The following CTNNA2 variants were observed in gnomAD, a reference collection of about 807,000 sequenced individuals.
The protein encoded by CTNNA2 is catenin alpha 2, also known as catenin alpha-2.
CTNNA2 carries 42 observed loss-of-function variants against 101.0 expected under a neutral mutation model. The ratio of observed to expected loss-of-function variants is 0.42; its 90% CI spans 0.32 to 0.54. The LOEUF is 0.54. CTNNA2 is among the 20% of genes least tolerant of loss of function. The pLI, the probability that CTNNA2 is intolerant of heterozygous loss-of-function variation, is 0.14. For missense variants in CTNNA2, 871 were observed against 1,223.1 expected, an observed-to-expected ratio of 0.71 and a Z score of 4.29; for synonymous variants, 450 against 456.4, an observed-to-expected ratio of 0.99 and a Z score of 0.18.
At chr2:80,139,622 C>G (rs1302952529) in intron 7 of CTNNA2, among the ~76,000 whole-genome samples, 2 of 151,916 alleles carry the variant, frequency 1.3e-5, no homozygotes, top group African/African-American at 4.8e-5. Context: ...TATATATTAC[C>G]AAAGGGAACA....
intron 1 of CTNNA2, among the ~76,000 whole-genome samples, chr2:79,632,913 G>C (rs1160158518): frequency 6.6e-6 from 1 of 152,182 alleles, no homozygotes. Flanking sequence ...CTATTGTGGT[G>C]AAAGAGCAAC....
chr2:79,378,019 G>A (rs1677998580), intron 4 of CTNNA2, among the ~76,000 whole-genome samples: 1 of 152,104 alleles, frequency 6.6e-6, no homozygotes, highest in African/African-American at 2.4e-5. Context: ...TCAACATGAA[G>A]CAGTGTTCTA....
chr2:79,370,836 G>A (rs550160807), intron 3 of CTNNA2, among the ~76,000 whole-genome samples: 3 of 152,082 alleles, frequency 2.0e-5, no homozygotes, highest in Admixed American at 1.3e-4. Flanking sequence ...TGTAGTCCTC[G>A]CCTTTTTCTC....
chr2:80,374,678 CGTGCGTGTGTGTGTGTGT>C (rs899790289), intron 7 of CTNNA2, among the ~76,000 whole-genome samples: 2 of 143,148 alleles, frequency 1.4e-5, no homozygotes, highest in African/African-American at 5.3e-5. Flanking sequence ...TGCGTGCGTG[CGTGCGTGTGTGTGTGTGT>C]GTGTGTGTGT....
At chr2:79,666,970 C>CT (rs1057235917) in intron 2 of CTNNA2, among the ~76,000 whole-genome samples, 35 of 151,826 alleles carry the variant, frequency 2.3e-4, no homozygotes, top group Non-Finnish European at 2.4e-4. Flanking sequence ...TCTAAGTCTC[C>CT]TTTTTTTTAA....
rs1161101313 is a variant in CTNNA2 at position 79,894,058 on chromosome 2, T to TC, written c.853-15535dup. ...TTCTTCTTCTTCTTCTTCTTCTTCT[T>TC]CTTCTTCCTCCTCCTCCTCCTCCTT... is the stretch of plus-strand genomic sequence containing the variant. On this transcript the variant is annotated intron_variant, in intron 6 of 18. Transcript: ENST00000402739. Among the ~76,000 whole-genome samples the TC allele has an allele frequency of 2.3e-3, 187 of 82,796 alleles. 3 individuals carry two copies. Among genetic ancestry groups the TC allele is most frequent in the African/African-American group, 8.9e-3 (179 of 20,084 alleles). 54.3% of individuals were successfully genotyped at this position (82,796 alleles called of 152,430 possible). A position where few individuals can be genotyped will look rare whatever the true frequency, so the allele number is the denominator to read the frequency against.
In CTNNA2 at chr2:80,302,637, C is replaced by T. The variant is rs147965918; in HGVS notation, c.1057-90574C>T. ...TCGTGCTGCCCCTCCCCGCCGTCCG[C>T]GAGCGTGGTGGCCGAGCTGGCAGGG... On this transcript the variant is annotated intron_variant, in intron 7 of 18. Coordinates refer to ENST00000402739, the MANE Select transcript of CTNNA2 (RefSeq NM_001282597.3). This position sits in a 1 kb window ranked among gnomAD's most constrained non-coding sequence, Gnocchi z 6.4. 58 of 1,607,262 alleles carry T rather than the reference C, an allele frequency of 3.6e-5. No homozygotes were observed. In the African/African-American group the frequency reaches 5.9e-4, roughly 16 times the overall value.
intron 7 of CTNNA2, among the ~76,000 whole-genome samples, chr2:80,230,856 C>T (rs1238924339): frequency 6.6e-6 from 1 of 152,164 alleles, no homozygotes; most frequent in African/African-American, 2.4e-5. Flanking sequence ...TAAAGATTCT[C>T]ATTCTTTATG....
chr2:80,441,157 G>T (rs190213326), intron 9 of CTNNA2, among the ~76,000 whole-genome samples: 68 of 152,278 alleles, frequency 4.5e-4, no homozygotes, highest in Admixed American at 1.9e-3. Flanking sequence ...AATCCTACAT[G>T]GTGGGTGGAA....
intron 3 of CTNNA2, among the ~76,000 whole-genome samples, chr2:79,334,845 A>G (rs532278645): frequency 1.3e-5 from 2 of 152,286 alleles, no homozygotes; most frequent in East Asian, 1.9e-4. Context: ...TTTAGTAGCA[A>G]CTGGAAAAAG....
intron 2 of CTNNA2, chr2:79,292,928 T>C (rs1267803689): frequency 6.6e-6 from 1 of 152,234 alleles, no homozygotes; most frequent in Non-Finnish European, 1.5e-5. Context: ...ATCACCTTTG[T>C]TTTCACTCAT....
intron 7 of CTNNA2, among the ~76,000 whole-genome samples, chr2:80,039,657 G>T (rs1482149861): frequency 1.3e-5 from 2 of 152,124 alleles, no homozygotes; most frequent in African/African-American, 4.8e-5. Context: ...ACATTTACTG[G>T]AGTCTCCCAA....
At chr2:80,560,070 A>G in intron 12 of CTNNA2, among the ~76,000 whole-genome samples, 2 of 6,892 alleles carry the variant, frequency 2.9e-4, no homozygotes, top group Admixed American at 2.1e-3. Context: ...AAAAAAAAAA[A>G]AAGAAAAAAG....
At chr2:79,434,865 C>T (rs922524472) in intron 4 of CTNNA2, among the ~76,000 whole-genome samples, 9 of 152,190 alleles carry the variant, frequency 5.9e-5, no homozygotes, top group East Asian at 1.9e-4. Context: ...GGCAGACCAA[C>T]ATGGAGCAGG....
At chr2:79,403,157 A>G (rs1273589996) in intron 4 of CTNNA2, among the ~76,000 whole-genome samples, 1 of 151,908 alleles carries the variant, frequency 6.6e-6, no homozygotes, top group Admixed American at 6.6e-5. Flanking sequence ...AAGGATGGGA[A>G]ATGTTCTTAA....
At chr2:79,205,567 T>G (rs1383568648) in intron 2 of CTNNA2, among the ~76,000 whole-genome samples, 1 of 152,176 alleles carries the variant, frequency 6.6e-6, no homozygotes, top group Non-Finnish European at 1.5e-5. Context: ...TTGCTATTTC[T>G]TCAGCTTGAC....
intron 7 of CTNNA2, among the ~76,000 whole-genome samples, chr2:79,961,821 C>CAAAAAA (rs35063153): frequency 2.3e-5 from 2 of 86,816 alleles, no homozygotes; most frequent in Admixed American, 1.4e-4. Context: ...GACTCCGTCT[C>CAAAAAA]AAAAAAAAAA....
rs1381943416 is a variant in CTNNA2 at position 80,461,610 on chromosome 2, G to A, written c.1290+42009G>A. ...TGCAATTATTTTGTCTCTACATTCA[G>A]TGGTGCAATAAATGTCCTTATACTG... On this transcript the variant is annotated intron_variant, in intron 9 of 18. Transcript: ENST00000402739. Among the ~76,000 whole-genome samples, 4 of 152,070 alleles carry A rather than the reference G, an allele frequency of 2.6e-5. No individual in the cohort carries two copies. The South Asian group carries it at 6.2e-4, about 24-fold the overall frequency.
At chr2:80,291,463 A>G (rs1385856389) in intron 7 of CTNNA2, among the ~76,000 whole-genome samples, 1 of 152,262 alleles carries the variant, frequency 6.6e-6, no homozygotes, top group Non-Finnish European at 1.5e-5. Context: ...CTCCTCTGCC[A>G]GAAGAAAGGG....
Sources: allele counts gnomAD v4.1 joint callset (sites outside exome capture counted in the v4.1 genomes callset), GRCh38; gene constraint gnomAD v4.1.1; non-coding constraint Gnocchi (gnomAD v3.1); transcripts MANE v1.5; gene names NCBI Gene and HGNC (gene_info 2026-07-23, HGNC 2026-07-21).